The following SPATA9 variants were observed in gnomAD, a reference collection of about 807,000 sequenced individuals.
SPATA9 encodes the protein spermatogenesis-associated protein 9.
SPATA9 carries 27 observed loss-of-function variants against 25.5 expected under a neutral mutation model. The ratio of observed to expected loss-of-function variants is 1.06; its 90% CI spans 0.78 to 1.46. The LOEUF (loss-of-function observed/expected upper bound fraction) is 1.46, where lower values mean the gene tolerates loss of function less well. Among genes scored for constraint, SPATA9 ranks in the 40% most tolerant of loss-of-function variants. The pLI, the probability that SPATA9 is intolerant of heterozygous loss-of-function variation, is 0.00. For synonymous variants in SPATA9, 102 were observed against 105.7 expected, an observed-to-expected ratio of 0.97 and a Z score of 0.21; for missense variants, 282 against 297.5, an observed-to-expected ratio of 0.95 and a Z score of 0.38.
At chr5:95,686,919 A>G (rs1257629741), upstream of SPATA9, among the ~76,000 whole-genome samples, 3 of 152,214 alleles carry the variant, frequency 2.0e-5, no homozygotes, top group Non-Finnish European at 4.4e-5. Context: ...AGTGGACACA[A>G]GTTAGCTATA....
the SPATA9 span, among the ~76,000 whole-genome samples, chr5:95,710,934 T>C: frequency 6.6e-6 from 1 of 152,092 alleles, no homozygotes; most frequent in Non-Finnish European, 1.5e-5. Flanking sequence ...GAGTTTTCTT[T>C]TAATATCTGG....
At chr5:95,700,456 T>C (rs1423211112), upstream of SPATA9, among the ~76,000 whole-genome samples, 3 of 152,106 alleles carry the variant, frequency 2.0e-5, no homozygotes, top group Non-Finnish European at 1.5e-5. Context: ...CGCGCCACCA[T>C]GGCTGGCTAA....
chr5:95,663,900 T>C (rs955152152), intron 4 of SPATA9, 53 bp downstream of exon 4: 4 of 1,046,978 alleles, frequency 3.8e-6, no homozygotes, highest in Non-Finnish European at 5.6e-6. Flanking sequence ...ATTATTAACA[T>C]TACACAAAAT....
intron 4 of SPATA9, among the ~76,000 whole-genome samples, chr5:95,659,879 CAGAA>C (rs751971759): frequency 1.3e-5 from 2 of 152,110 alleles, no homozygotes; most frequent in Non-Finnish European, 2.9e-5. Flanking sequence ...GGATGGAACT[CAGAA>C]AGGATTTTTG....
At chr5:95,693,716 C>A (rs1196492510) in intron 1 of SPATA9, among the ~76,000 whole-genome samples, 1 of 152,112 alleles carries the variant, frequency 6.6e-6, no homozygotes, top group Non-Finnish European at 1.5e-5. Context: ...CTTATTTTCG[C>A]CTTAGAAAAT....
chr5:95,675,441 C>T lies in SPATA9; in HGVS notation c.349G>A (p.Ala117Thr), dbSNP rs138300432. 71 of 1,614,032 alleles carry T rather than the reference C, an allele frequency of 4.4e-5. No individual in the cohort carries two copies. Among genetic ancestry groups the T allele is most frequent in the Non-Finnish European group, 5.5e-5 (65 of 1,180,028 alleles). ...ISGRLLREVN[A>T]PRQPLYNIQV... is the part of the protein sequence containing the mutation. ...ATGTTATATAGGGGTTGCCTCGGCG[C>T]ATTAACTTCCCTCAGCAGACGACCA... The change falls in exon 3 of 5, where the codon GCG becomes ACG. Residue 117 changes from alanine (A) to threonine (T), a missense_variant. Transcript: ENST00000274432.
intron 2 of SPATA9, among the ~76,000 whole-genome samples, chr5:95,679,958 C>T (rs1422437165): frequency 5.3e-5 from 8 of 152,206 alleles, no homozygotes; most frequent in Non-Finnish European, 8.8e-5. Context: ...CGTGCAGTGG[C>T]GCGATCTCGG....
At chr5:95,656,452 A>C (rs1387485524), downstream of SPATA9, 4 of 622,452 alleles carry the variant, frequency 6.4e-6, no homozygotes, top group Admixed American at 1.2e-4. Flanking sequence ...GTTTAAGAGC[A>C]CACATACTTA....
At chr5:95,684,525 T>C (rs1251197747), upstream of SPATA9, 1 of 152,260 alleles carries the variant, frequency 6.6e-6, no homozygotes, top group Non-Finnish European at 1.5e-5. Flanking sequence ...GGCTAATGTT[T>C]ACTGCACTTA....
upstream of SPATA9, among the ~76,000 whole-genome samples, chr5:95,699,930 C>T (rs982644752): frequency 6.6e-6 from 1 of 152,134 alleles, no homozygotes; most frequent in African/African-American, 2.4e-5. Context: ...CTAGCAAGAG[C>T]AATCTAGTAA....
intron 1 of SPATA9, among the ~76,000 whole-genome samples, chr5:95,694,338 T>C (rs11950942): frequency 0.012 from 1,758 of 152,304 alleles, 33 homozygotes; most frequent in African/African-American, 0.04. Context: ...CCTTCAGCTA[T>C]GGTCATAGAG....
chr5:95,723,875 G>A, the SPATA9 span, among the ~76,000 whole-genome samples: 2 of 152,030 alleles, frequency 1.3e-5, no homozygotes. Context: ...TTTTTTGACC[G>A]AGCACCCCAT....
At chr5:95,702,922 T>G (rs1344294759), upstream of SPATA9, among the ~76,000 whole-genome samples, 1 of 152,220 alleles carries the variant, frequency 6.6e-6, no homozygotes, top group Admixed American at 6.5e-5. Flanking sequence ...AAAACTCTAC[T>G]GCGGAACATG....
chr5:95,654,012 C>A (rs1750543037), downstream of SPATA9: 5 of 1,539,472 alleles, frequency 3.2e-6, no homozygotes, highest in Non-Finnish European at 4.4e-6. Flanking sequence ...TAAGCTGGAA[C>A]CAAATTAGTG....
At chr5:95,666,873 A>G (rs930236732) in intron 3 of SPATA9, among the ~76,000 whole-genome samples, 1 of 152,208 alleles carries the variant, frequency 6.6e-6, no homozygotes, top group African/African-American at 2.4e-5. Context: ...TGTTTTTATG[A>G]TTAAACACAA....
chr5:95,689,854 A>G (rs1311321186), intron 1 of SPATA9, among the ~76,000 whole-genome samples: 1 of 152,220 alleles, frequency 6.6e-6, no homozygotes, highest in Non-Finnish European at 1.5e-5. Context: ...CTATGCAGCC[A>G]TAAAAAAGAA....
chr5:95,720,494 G>A, the SPATA9 span, among the ~76,000 whole-genome samples: 1 of 152,232 alleles, frequency 6.6e-6, no homozygotes, highest in South Asian at 2.1e-4. Flanking sequence ...AGTCTAGCAT[G>A]GAGAGTTACT....
At chr5:95,716,452 C>T in the SPATA9 span, among the ~76,000 whole-genome samples, 1 of 152,192 alleles carries the variant, frequency 6.6e-6, no homozygotes, top group African/African-American at 2.4e-5. Context: ...GCCTGTAGCC[C>T]CTTCATTTTG....
chr5:95,700,253 T>A (rs73149691), upstream of SPATA9, among the ~76,000 whole-genome samples: 1,875 of 152,284 alleles, frequency 0.012, 39 homozygotes, highest in African/African-American at 0.043. Context: ...TAGTAGTGGG[T>A]GCCCATTTGC....
Sources: allele counts gnomAD v4.1 joint callset (sites outside exome capture counted in the v4.1 genomes callset), GRCh38; gene constraint gnomAD v4.1.1; transcripts MANE v1.5; gene names NCBI Gene and HGNC (gene_info 2026-07-23, HGNC 2026-07-21).